Variants in AMPH observed in about 807,000 individuals in gnomAD.
The protein encoded by AMPH is amphiphysin, also known as amphiphysin (Stiff-Mann syndrome with breast cancer 128kD autoantigen).
A neutral mutation model predicts 99.1 loss-of-function variants in AMPH; 49 were observed. That is an observed-to-expected ratio of 0.49 (90% confidence interval 0.39 to 0.63). The LOEUF (loss-of-function observed/expected upper bound fraction) is 0.63. Among genes scored for constraint, AMPH ranks in the 20% least tolerant of loss-of-function variants. AMPH has a pLI of 0.00. For missense variants in AMPH, 759 were observed against 863.4 expected (o/e 0.88, Z 1.52); for synonymous variants, 314 against 317.3 (o/e 0.99, Z 0.11).
intron 5 of AMPH, among the ~76,000 whole-genome samples, chr7:38,478,441 GATTA>G (rs1173577541): frequency 6.6e-6 from 1 of 152,304 alleles, no homozygotes; most frequent in Middle Eastern, 3.4e-3. Flanking sequence ...CTCAGGTCCT[GATTA>G]ATTGATTCCA....
chr7:38,489,079 T>C (rs1175646021), intron 5 of AMPH, among the ~76,000 whole-genome samples: 5 of 152,150 alleles, frequency 3.3e-5, no homozygotes. Flanking sequence ...GCATTACACT[T>C]CTTATTTCAA....
chr7:38,586,021 C>A (rs1480745657), intron 1 of AMPH, among the ~76,000 whole-genome samples: 1 of 152,134 alleles, frequency 6.6e-6, no homozygotes, highest in Non-Finnish European at 1.5e-5. Flanking sequence ...CTTTTTCACC[C>A]TTTAAAATAA....
chr7:38,568,865 G>T (rs1330569534), intron 1 of AMPH, among the ~76,000 whole-genome samples: 3 of 152,182 alleles, frequency 2.0e-5, no homozygotes, highest in African/African-American at 7.2e-5. Context: ...ACACTGGCGG[G>T]TCTATAAACA....
intron 1 of AMPH, among the ~76,000 whole-genome samples, chr7:38,607,006 C>T (rs1793459040): frequency 6.6e-6 from 1 of 152,184 alleles, no homozygotes; most frequent in East Asian, 1.9e-4. Flanking sequence ...CTGCTGTGAA[C>T]ATTCAAGTCC....
Position 38,394,115 on chromosome 7 carries a change from G to C in AMPH, c.1498C>G (p.Pro500Ala), listed in dbSNP as rs375211709. The change falls in exon 18 of 21, where the codon CCT becomes GCT. Residue 500 changes from proline to alanine, a missense_variant. This residue lies in a region of AMPH where 554 missense variants were observed against 575.6 expected (regional missense o/e 0.96). Coordinates refer to ENST00000356264, the MANE Select transcript of AMPH (RefSeq NM_001635.4). ...EEAEAEKATVPAGEGVSLEEA... is the reference protein window; with the variant it reads ...EEAEAEKATVAAGEGVSLEEA... ...TCTAAACTTACTCCTTCCCCGGCAG[G>C]GACAGTGGCCTTCTCCGCCTCTGCT... is the stretch of plus-strand genomic sequence containing the variant. 2.4e-5 allele frequency: 39 copies of C among 1,614,016 alleles called. No homozygotes were observed. The highest frequency in any genetic ancestry group is 3.3e-5 in the Non-Finnish European group (39 of 1,180,028).
rs889688150 is a variant in AMPH at position 38,384,246 on chromosome 7, T to C, written c.*572A>G. The stretch of plus-strand genomic sequence containing the variant: ...GAAAGGAAAGAAGCAACTATGTATA[T>C]GTAGCCTTCTGCATACACATAGATC... On this transcript the variant is annotated 3_prime_UTR_variant, in exon 21 of 21. Coordinates refer to ENST00000356264, the MANE Select transcript of AMPH (RefSeq NM_001635.4). 1.3e-5 allele frequency: 2 copies of C among 152,620 alleles called. No homozygotes were observed. Among genetic ancestry groups the C allele is most frequent in the East Asian group, 1.9e-4 (1 of 5,206 alleles). 9.5% of individuals were successfully genotyped at this position (152,620 alleles called of 1,614,324 possible). A position where few individuals can be genotyped will look rare whatever the true frequency, so the allele number is the denominator to read the frequency against.
intron 2 of AMPH, among the ~76,000 whole-genome samples, chr7:38,530,760 G>A (rs1790367865): frequency 6.6e-6 from 1 of 152,188 alleles, no homozygotes; most frequent in African/African-American, 2.4e-5. Flanking sequence ...AGAACTGAAA[G>A]CAGGTGATGT....
chr7:38,562,208 G>C (rs1464366880), intron 1 of AMPH, among the ~76,000 whole-genome samples: 1 of 151,992 alleles, frequency 6.6e-6, no homozygotes, highest in East Asian at 1.9e-4. Context: ...AAAAAAAAAT[G>C]GTTTGTTTAA....
At chr7:38,560,855 G>A (rs189449083) in intron 1 of AMPH, among the ~76,000 whole-genome samples, 1 of 152,186 alleles carries the variant, frequency 6.6e-6, no homozygotes, top group Non-Finnish European at 1.5e-5. Context: ...TCCTTGGTCT[G>A]GGGTGAGGCT....
In AMPH at chr7:38,415,959, G is replaced by T. The variant is rs1785370545; in HGVS notation, c.1398+1866C>A. ...TTCACCTGTGAGCTTCAGGAGAAAA[G>T]GTATTTTCAGAATGAAGCATTCTTC... On this transcript the variant is annotated intron_variant, in intron 17 of 20. Transcript: ENST00000356264. Among the ~76,000 whole-genome samples the T allele has an allele frequency of 1.3e-5, 2 of 151,348 alleles. 1 individual carries two copies. Among genetic ancestry groups the T allele is most frequent in the Admixed American group, 1.3e-4 (2 of 15,182 alleles).
intron 1 of AMPH, among the ~76,000 whole-genome samples, chr7:38,616,190 C>A (rs1277312870): frequency 1.3e-5 from 2 of 152,190 alleles, no homozygotes; most frequent in Non-Finnish European, 2.9e-5. Context: ...GACCACTCCC[C>A]CACCTGATTC....
At chr7:38,573,104 G>T (rs1170808937) in intron 1 of AMPH, among the ~76,000 whole-genome samples, 11 of 152,120 alleles carry the variant, frequency 7.2e-5, no homozygotes, top group Admixed American at 7.2e-4. Context: ...GCTCTGAAAA[G>T]AAATTTTCTG....
chr7:38,620,364 C>CTGTGTG (rs377389687), intron 1 of AMPH, among the ~76,000 whole-genome samples: 4,203 of 114,028 alleles, frequency 0.037, 250 homozygotes, highest in African/African-American at 0.12. Context: ...GTGTGTGTGT[C>CTGTGTG]TGTGTGTGTG....
chr7:38,585,679 T>C (rs1454100508), intron 1 of AMPH, among the ~76,000 whole-genome samples: 1 of 152,226 alleles, frequency 6.6e-6, no homozygotes, highest in Non-Finnish European at 1.5e-5. Flanking sequence ...TCCAATAGCC[T>C]CACGGTCCAC....
chr7:38,558,728 G>A (rs556340643), intron 1 of AMPH, among the ~76,000 whole-genome samples: 59 of 152,288 alleles, frequency 3.9e-4, no homozygotes, highest in Non-Finnish European at 7.6e-4. Flanking sequence ...TTAGAAAGAC[G>A]CTGATGCTGG....
At chr7:38,620,385 G>C (rs1354184300) in intron 1 of AMPH, among the ~76,000 whole-genome samples, 3 of 141,478 alleles carry the variant, frequency 2.1e-5, no homozygotes, top group African/African-American at 8.3e-5. Context: ...TGTTAAAGAA[G>C]CAGGATGTCT....
chr7:38,578,700 T>C (rs1255009958), intron 1 of AMPH, among the ~76,000 whole-genome samples: 2 of 152,128 alleles, frequency 1.3e-5, no homozygotes, highest in African/African-American at 4.8e-5. Flanking sequence ...GCCCAGGAGT[T>C]TGGGTTGCAG....
intron 1 of AMPH, among the ~76,000 whole-genome samples, chr7:38,588,999 A>G (rs1487832177): frequency 1.3e-5 from 2 of 152,216 alleles, no homozygotes; most frequent in Non-Finnish European, 2.9e-5. Context: ...TAATTTAACA[A>G]GAAATTATAA....
chr7:38,620,540 T>C (rs989717399), intron 1 of AMPH, among the ~76,000 whole-genome samples: 1 of 114,082 alleles, frequency 8.8e-6, no homozygotes, highest in African/African-American at 4.1e-5. Flanking sequence ...GCTATATATA[T>C]ACATACATAC....
Sources: gnomAD v4.1 joint callset for allele counts (sites outside exome capture counted in the v4.1 genomes callset) on GRCh38, gnomAD v4.1.1 for gene constraint, gnomAD v4.1.1 regional missense constraint, MANE v1.5 for transcripts, NCBI Gene and HGNC (gene_info 2026-07-23, HGNC 2026-07-21) for gene names.